STARD9: variants seen among roughly 807,000 people sequenced by gnomAD.
STARD9 encodes the protein StAR related lipid transfer domain containing 9, also known as stAR-related lipid transfer protein 9.
STARD9 carries 346 observed loss-of-function variants against 399.8 expected under a neutral mutation model. The observed-to-expected ratio is 0.87, with a 90% CI of 0.79 to 0.95. STARD9 has a LOEUF of 0.95. STARD9 is among the 40% of genes least tolerant of loss of function. The probability of loss-of-function intolerance (pLI) is 0.00; values close to 1 mark genes in which losing one functional copy is unlikely to be tolerated. For synonymous variants in STARD9, 2,203 were observed against 2,143.5 expected, an observed-to-expected ratio of 1.03 and a Z score of -0.77; for missense variants, 5,832 against 5,667.5, an observed-to-expected ratio of 1.03 and a Z score of -0.93.
chr15:42,650,188 G>A (rs2059731665), intron 7 of STARD9, among the ~76,000 whole-genome samples: 1 of 152,050 alleles, frequency 6.6e-6, no homozygotes, highest in Non-Finnish European at 1.5e-5. Flanking sequence ...AAGTCGGCCT[G>A]GTAGCTTCAG....
intron 13 of STARD9, 148 bp from the exon 14 acceptor site, chr15:42,665,105 C>T (rs1008300260): frequency 8.2e-6 from 5 of 609,896 alleles, no homozygotes; most frequent in African/African-American, 1.9e-5. Flanking sequence ...GTGGGTGCTG[C>T]GGGTCCTGGG....
At chr15:42,663,787 G>A (rs1167310173) in intron 12 of STARD9, 33 bp from the exon 13 acceptor site, 4 of 1,434,058 alleles carry the variant, frequency 2.8e-6, no homozygotes, top group Admixed American at 3.9e-5. Flanking sequence ...TGGATGGGCT[G>A]GCATGTTTTT....
chr15:42,662,457 A>G (rs554119606), intron 10 of STARD9, among the ~76,000 whole-genome samples: 1 of 152,242 alleles, frequency 6.6e-6, no homozygotes, highest in Non-Finnish European at 1.5e-5. Flanking sequence ...AAAACTATAA[A>G]TATAGGAATT....
chr15:42,679,668 A>C (rs1377118702), intron 20 of STARD9, among the ~76,000 whole-genome samples: 1 of 152,220 alleles, frequency 6.6e-6, no homozygotes, highest in Non-Finnish European at 1.5e-5. Flanking sequence ...AAGGCCAGAT[A>C]GTATTTTAGG....
chr15:42,579,203 A>G (rs1309018163), intron 1 of STARD9, among the ~76,000 whole-genome samples: 1 of 152,210 alleles, frequency 6.6e-6, no homozygotes, highest in Non-Finnish European at 1.5e-5. Context: ...TGAGGCTTTC[A>G]TGAACAACCC....
At chr15:42,707,521 G>A (rs921302476) in intron 26 of STARD9, among the ~76,000 whole-genome samples, 12 of 149,694 alleles carry the variant, frequency 8.0e-5, no homozygotes, top group Non-Finnish European at 1.6e-4. Flanking sequence ...CAAGGCTGGA[G>A]TGCAGTGGCA....
rs1185074962 is a variant in STARD9, at chr15:42,692,962, C to T, written c.11384C>T (p.Ala3795Val). Residue 3795 changes from alanine (A) to valine (V), a missense_variant, in exon 23 of 33, where the codon GCT becomes GTT. Around this residue, in one of 2 missense-constraint regions of STARD9, gnomAD observed 5,828 missense variants for 5,651.1 expected, o/e 1.03. Transcript: ENST00000290607. ...REAEETAQKM[A>V]QLLYLQEEST... ...GCAGAGGAAACAGCACAGAAAATGG[C>T]TCAGCTCCTCTATCTTCAGGAAGAA... 3.9e-6 allele frequency: 6 copies of T among 1,537,100 alleles called. No individual in the cohort carries two copies. In the South Asian group the frequency reaches 5.9e-5, roughly 15 times the overall value.
chr15:42,693,079 G>C lies in STARD9; in HGVS notation c.11501G>C (p.Ser3834Thr), dbSNP rs771411817. ...GTTGGGCAGCATCTTCCTTCTGTGAGCCCCTCAGTTTCTGATGCTTTCCTG... is the reference window on the plus strand; with the variant it reads ...GTTGGGCAGCATCTTCCTTCTGTGACCCCCTCAGTTTCTGATGCTTTCCTG... ...APVGQHLPSV[S>T]PSVSDAFLPP... Residue 3834 changes from serine (S) to threonine (T), a missense_variant, in exon 23 of 33, where the codon AGC becomes ACC. Coordinates refer to ENST00000290607, the MANE Select transcript of STARD9 (RefSeq NM_020759.3). 20 of 1,536,970 alleles carry C rather than the reference G, an allele frequency of 1.3e-5. No homozygotes were observed. In the South Asian group the frequency reaches 1.8e-4, roughly 14 times the overall value.
intron 26 of STARD9, among the ~76,000 whole-genome samples, chr15:42,705,987 G>C (rs564279208): frequency 2.9e-4 from 44 of 151,504 alleles, no homozygotes; most frequent in African/African-American, 1.0e-3. Context: ...TCCTAACCTC[G>C]AGTGATCTGC....
chr15:42,619,551 CAAAA>C lies in STARD9; in HGVS notation c.235-15292_235-15289del, dbSNP rs35639156. Among the ~76,000 whole-genome samples, 3 of 135,192 alleles carry C rather than the reference CAAAA, an allele frequency of 2.2e-5. No homozygotes were observed. In the South Asian group the frequency reaches 7.3e-4, roughly 33 times the overall value. The allele number at this position is 135,192 out of a possible 152,430, so 88.7% of individuals were successfully genotyped here. A position where few individuals can be genotyped will look rare whatever the true frequency, so the allele number is the denominator to read the frequency against. On this transcript the variant is annotated intron_variant, in intron 3 of 32. Transcript: ENST00000290607. ...CCTGGGTGACAGCGCAAGACTGTCT[CAAAA>C]AAAAAAAAAAAATTCTCGTAAGGAA...
intron 26 of STARD9, among the ~76,000 whole-genome samples, chr15:42,703,356 T>C (rs2061006803): frequency 7.5e-6 from 1 of 133,468 alleles, no homozygotes; most frequent in Admixed American, 6.8e-5. Flanking sequence ...TTTGTTTTTT[T>C]TGTTTTGTTT....
intron 2 of STARD9, among the ~76,000 whole-genome samples, chr15:42,585,138 C>G (rs1378215450): frequency 6.6e-6 from 1 of 151,942 alleles, no homozygotes; most frequent in Non-Finnish European, 1.5e-5. Flanking sequence ...GCAAATATTC[C>G]AAAATCCAAA....
At chr15:42,706,169 C>G (rs554546380) in intron 26 of STARD9, among the ~76,000 whole-genome samples, 1 of 152,322 alleles carries the variant, frequency 6.6e-6, no homozygotes, top group South Asian at 2.1e-4. Flanking sequence ...ACGTCTTATG[C>G]TATAGAACTT....
At chr15:42,713,277 C>T (rs1031355230) in intron 26 of STARD9, among the ~76,000 whole-genome samples, 2 of 152,128 alleles carry the variant, frequency 1.3e-5, no homozygotes, top group African/African-American at 4.8e-5. Context: ...TTTTATATAT[C>T]GTTCTTGTCT....
intron 26 of STARD9, among the ~76,000 whole-genome samples, chr15:42,704,530 G>T (rs1363312271): frequency 2.6e-5 from 4 of 152,146 alleles, no homozygotes; most frequent in African/African-American, 9.7e-5. Flanking sequence ...ATTCAAAGGA[G>T]CCTGACTGTT....
Position 42,585,916 on chromosome 15 carries a change from C to T in STARD9, c.234+279C>T, listed in dbSNP as rs368967052. 7.2e-5 allele frequency among the ~76,000 whole-genome samples: 11 copies of T among 152,306 alleles called. No homozygotes were observed. The South Asian group carries it at 1.0e-3, about 14-fold the overall frequency. On this transcript the variant is annotated intron_variant, in intron 3 of 32. Transcript: ENST00000290607. ...AATGCGGTAATATCGTGTATTTCCT[C>T]ATTTCTTCATAACTGGATAATCATT...
chr15:42,583,712 T>A (rs1001022971), intron 2 of STARD9, among the ~76,000 whole-genome samples: 1 of 152,204 alleles, frequency 6.6e-6, no homozygotes, highest in African/African-American at 2.4e-5. Flanking sequence ...AATAGTTAAC[T>A]TAAATCGTGC....
At position 42,691,169 on chromosome 15, in the gene STARD9, A is replaced by G; in HGVS notation, c.9591A>G (p.Leu3197=). Residue 3197 remains leucine, a synonymous_variant, in exon 23 of 33, where the codon TTA becomes TTG. Transcript: ENST00000290607. ...LDSQAKFVAR[L]KHTCSPQEDS... is the part of the protein sequence containing the mutation. ...CCCAAGCCAAGTTTGTAGCAAGGTT[A>G]AAACATACCTGCAGCCCCCAGGAAG... 1 of 1,537,298 alleles carries G rather than the reference A, an allele frequency of 6.5e-7. No homozygotes were observed. Among genetic ancestry groups the G allele is most frequent in the Non-Finnish European group, 8.7e-7 (1 of 1,146,910 alleles).
At chr15:42,633,634 G>A (rs559220421) in intron 3 of STARD9, among the ~76,000 whole-genome samples, 21 of 148,480 alleles carry the variant, frequency 1.4e-4, no homozygotes, top group African/African-American at 2.5e-4. Flanking sequence ...GTCCGGCCCC[G>A]TTTCTTTCTT....
Sources: gnomAD v4.1 joint callset for allele counts (sites outside exome capture counted in the v4.1 genomes callset) on GRCh38, gnomAD v4.1.1 for gene constraint, gnomAD v4.1.1 regional missense constraint, MANE v1.5 for transcripts, NCBI Gene and HGNC (gene_info 2026-07-23, HGNC 2026-07-21) for gene names.